Variants in TSPAN14 observed in about 807,000 individuals in gnomAD.
The protein encoded by TSPAN14 is tetraspanin 14, also known as tetraspanin-14.
Under a neutral mutation model 36.6 loss-of-function variants are expected in TSPAN14, and 16 were observed. That is an observed-to-expected ratio of 0.44 (90% CI 0.30 to 0.66). The LOEUF (loss-of-function observed/expected upper bound fraction) is 0.66. Ranked by LOEUF, TSPAN14 falls within the 30% of genes least tolerant of loss-of-function variation. The pLI is 0.12. For synonymous variants in TSPAN14, 139 were observed against 143.8 expected, an observed-to-expected ratio of 0.97 and a Z score of 0.24; for missense variants, 231 against 355.1, an observed-to-expected ratio of 0.65 and a Z score of 2.81.
At chr10:80,517,938 T>G (rs755331730) in exon 9 of TSPAN14, 8 of 1,567,450 alleles carry the variant, frequency 5.1e-6, no homozygotes, top group Middle Eastern at 1.7e-4. Context: ...GACGCTGATC[T>G]CAGACATCGA....
intron 7 of TSPAN14, among the ~76,000 whole-genome samples, chr10:80,515,269 G>A (rs572460266): frequency 6.6e-6 from 1 of 152,154 alleles, no homozygotes; most frequent in Non-Finnish European, 1.5e-5. Flanking sequence ...AGGTGCTGGC[G>A]AGGTGAGGTG....
intron 1 of TSPAN14, among the ~76,000 whole-genome samples, chr10:80,462,413 C>T (rs1846027418): frequency 6.6e-6 from 1 of 150,874 alleles, no homozygotes; most frequent in Non-Finnish European, 1.5e-5. Context: ...AGATAGAGTT[C>T]TGTTTATGCA....
chr10:80,460,054 C>T (rs540752558), intron 1 of TSPAN14, among the ~76,000 whole-genome samples: 22 of 152,290 alleles, frequency 1.4e-4, no homozygotes, highest in African/African-American at 4.6e-4. Flanking sequence ...TTAATTCTGA[C>T]ACTTGTTAAA....
In TSPAN14 at chr10:80,509,664, C is replaced by T. The variant is rs995783735; in HGVS notation, c.450+193C>T. ...TGCCGGCTTGTGGTTGCCTGGTGGG[C>T]CAGCCCTTTCCCATTGGGATTGGGC... On this transcript the variant is annotated intron_variant, in intron 5 of 8. Coordinates refer to ENST00000429989, the Ensembl canonical transcript of TSPAN14. This position sits in a 1 kb window ranked among gnomAD's most constrained non-coding sequence, Gnocchi z 4.7. The T allele has an allele frequency of 1.1e-4, 67 of 613,468 alleles. No homozygotes were observed. Among genetic ancestry groups the T allele is most frequent in the Non-Finnish European group, 1.8e-4 (65 of 361,930 alleles). The allele number at this position is 613,468 out of a possible 1,614,324, so 38.0% of individuals were successfully genotyped here.
intron 1 of TSPAN14, among the ~76,000 whole-genome samples, chr10:80,477,016 C>G (rs941653017): frequency 6.6e-6 from 1 of 152,234 alleles, no homozygotes; most frequent in African/African-American, 2.4e-5. Context: ...ACATGTAGAA[C>G]TGAGTCCTTG....
chr10:80,486,340 G>T (rs1448622478), intron 1 of TSPAN14, among the ~76,000 whole-genome samples: 1 of 152,228 alleles, frequency 6.6e-6, no homozygotes, highest in East Asian at 1.9e-4. Flanking sequence ...AGCTGCAGGA[G>T]ACCAGGGACC....
At chr10:80,486,147 C>T (rs1351854457) in intron 1 of TSPAN14, among the ~76,000 whole-genome samples, 1 of 152,208 alleles carries the variant, frequency 6.6e-6, no homozygotes, top group African/African-American at 2.4e-5. Flanking sequence ...ACCCCAGCAT[C>T]TGAAGGCAGA....
chr10:80,479,905 T>C (rs901907039), intron 1 of TSPAN14, among the ~76,000 whole-genome samples: 5 of 149,420 alleles, frequency 3.3e-5, no homozygotes, highest in African/African-American at 1.0e-4. Context: ...TTTCATGATA[T>C]TGATTCTTCC....
chr10:80,478,641 G>A lies in TSPAN14; in HGVS notation c.-17-10576G>A, dbSNP rs564303644. 3.7e-4 allele frequency among the ~76,000 whole-genome samples: 56 copies of A among 152,258 alleles called. 2 individuals are homozygous for A. In the East Asian group the frequency reaches 7.5e-3, roughly 20 times the overall value. Reference sequence around the variant, plus strand: ...AGAGATCAGAAATCTGAGTGGTTTCGGGCTTCTCAATACATCTGAATATAG... The same window carrying A: ...AGAGATCAGAAATCTGAGTGGTTTCAGGCTTCTCAATACATCTGAATATAG... On this transcript the variant is annotated intron_variant, in intron 1 of 8. Coordinates refer to ENST00000429989, the Ensembl canonical transcript of TSPAN14.
At chr10:80,508,463 G>T (rs949451514) in intron 4 of TSPAN14, among the ~76,000 whole-genome samples, 8 of 152,084 alleles carry the variant, frequency 5.3e-5, no homozygotes, top group Admixed American at 3.3e-4. Flanking sequence ...CAAATTGGCC[G>T]GTTGTGGCAA....
chr10:80,459,410 G>A (rs1845873569), intron 1 of TSPAN14: 1 of 152,688 alleles, frequency 6.5e-6, no homozygotes, highest in South Asian at 2.1e-4. Context: ...ATAGCTGGAG[G>A]AACTGGCTCC....
At chr10:80,484,970 C>T (rs1339675059) in intron 1 of TSPAN14, among the ~76,000 whole-genome samples, 1 of 152,198 alleles carries the variant, frequency 6.6e-6, no homozygotes, top group Admixed American at 6.5e-5. Context: ...AAACAATTCT[C>T]CCTTTGCCCT....
intron 1 of TSPAN14, among the ~76,000 whole-genome samples, chr10:80,480,604 A>G (rs1365479559): frequency 6.6e-6 from 1 of 152,234 alleles, no homozygotes; most frequent in Non-Finnish European, 1.5e-5. Flanking sequence ...GCAGCCATAA[A>G]AAATGATGAG....
In TSPAN14 at chr10:80,501,659, C is replaced by T. The variant is rs183297146; in HGVS notation, c.82-3069C>T. Among the ~76,000 whole-genome samples, 114 of 152,300 alleles carry T rather than the reference C, an allele frequency of 7.5e-4. No homozygotes were observed. In the South Asian group the frequency reaches 8.5e-3, roughly 11 times the overall value. ...CTGTTGGGAATGCTGGATGGGGCATCGGCCTCTGGGCTTGTTCTGCTCTGA... is the reference window on the plus strand; with the variant it reads ...CTGTTGGGAATGCTGGATGGGGCATTGGCCTCTGGGCTTGTTCTGCTCTGA... On this transcript the variant is annotated intron_variant, in intron 2 of 8. Coordinates refer to ENST00000429989, the Ensembl canonical transcript of TSPAN14.
intron 1 of TSPAN14, among the ~76,000 whole-genome samples, chr10:80,463,372 C>T (rs1846079182): frequency 6.6e-6 from 1 of 152,158 alleles, no homozygotes; most frequent in Non-Finnish European, 1.5e-5. Flanking sequence ...GGTGAAAACT[C>T]CTATTTCTAT....
chr10:80,520,677 G>C (rs1035690850), exon 9 of TSPAN14: 4 of 533,082 alleles, frequency 7.5e-6, no homozygotes, highest in African/African-American at 5.8e-5. Context: ...CTAAAAACTT[G>C]CCGAGGCCCT....
Position 80,512,255 on chromosome 10 carries a change from G to A in TSPAN14, c.562G>A (p.Val188Met), listed in dbSNP as rs777552445. ...GTGCGGGGTCCCCTTCTCCTGCTGCGTGCCAGATCCTGCGGTGAGTTGGCT... is the reference window on the plus strand; with the variant it reads ...GTGCGGGGTCCCCTTCTCCTGCTGCATGCCAGATCCTGCGGTGAGTTGGCT... Residue 188 changes from valine to methionine, a missense_variant, in exon 6 of 9, where the codon GTG (valine) becomes ATG (methionine). Coordinates refer to ENST00000429989, the Ensembl canonical transcript of TSPAN14. 67 of 1,613,858 alleles carry A rather than the reference G, an allele frequency of 4.2e-5. No individual in the cohort carries two copies. The South Asian group carries it at 4.4e-4, about 11-fold the overall frequency.
chr10:80,454,896 C>G (rs560175341), intron 1 of TSPAN14, among the ~76,000 whole-genome samples: 4 of 152,174 alleles, frequency 2.6e-5, no homozygotes, highest in Non-Finnish European at 5.9e-5. Context: ...CCTGCCCCGC[C>G]GTGGTTGTGC....
rs1005812854 is a variant in TSPAN14 at position 80,492,768 on chromosome 10, A to G, written c.81+3454A>G. Among the ~76,000 whole-genome samples, 2 of 152,062 alleles carry G rather than the reference A, an allele frequency of 1.3e-5. 1 individual carries two copies. Among genetic ancestry groups the G allele is most frequent in the Admixed American group, 1.3e-4 (2 of 15,270 alleles). ...GAGGCGGAGCTTGCAGTGAGCCAAGATCGCGCCACTGCACTCCAGCCTGGG... is the reference window on the plus strand; with the variant it reads ...GAGGCGGAGCTTGCAGTGAGCCAAGGTCGCGCCACTGCACTCCAGCCTGGG... On this transcript the variant is annotated intron_variant, in intron 2 of 8. Transcript: ENST00000429989.
Sources: allele counts gnomAD v4.1 joint callset (sites outside exome capture counted in the v4.1 genomes callset), GRCh38; gene constraint gnomAD v4.1.1; non-coding constraint Gnocchi (gnomAD v3.1); transcripts MANE v1.5; gene names NCBI Gene and HGNC (gene_info 2026-07-23, HGNC 2026-07-21).